Variants in ODF2 observed in about 807,000 individuals in gnomAD.
ODF2 encodes the protein outer dense fiber protein 2.
In ODF2, 47 loss-of-function variants were observed where a neutral mutation model predicts 110.2. The ratio of observed to expected loss-of-function variants is 0.43; its 90% CI spans 0.34 to 0.54. The LOEUF is 0.54. Among genes scored for constraint, ODF2 ranks in the 20% least tolerant of loss-of-function variants. The pLI is 0.03. For missense variants in ODF2, 812 were observed against 1,054.5 expected (o/e 0.77, Z 3.19); for synonymous variants, 352 against 397.7 (o/e 0.89, Z 1.37).
chr9:128,466,383 GT>G (rs924597011), intron 4 of ODF2, among the ~76,000 whole-genome samples: 1 of 151,366 alleles, frequency 6.6e-6, no homozygotes, highest in Non-Finnish European at 1.5e-5. Context: ...GTAAGGATGG[GT>G]TGAGCCTGGG....
upstream of ODF2, chr9:128,455,267 G>A: frequency 1.3e-6 from 2 of 1,530,256 alleles, no homozygotes; most frequent in South Asian, 2.4e-5. Flanking sequence ...CAGGAGGGTA[G>A]TAGACCGGGC....
intron 18 of ODF2, 171 bp from the exon 19 acceptor site, chr9:128,498,242 G>C (rs1464990059): frequency 1.8e-5 from 18 of 1,018,212 alleles, no homozygotes; most frequent in Non-Finnish European, 2.4e-5. Context: ...CAGCTGCACA[G>C]TTCTTTGGTC....
chr9:128,492,887 C>T, intron 16 of ODF2, 82 bp downstream of exon 16: 3 of 1,241,440 alleles, frequency 2.4e-6, no homozygotes, highest in Non-Finnish European at 1.1e-6. Context: ...CCCTTGTTTG[C>T]CTTTGACCCT....
chr9:128,472,369 G>A (rs570078488), intron 6 of ODF2, among the ~76,000 whole-genome samples: 4 of 152,076 alleles, frequency 2.6e-5, no homozygotes, highest in African/African-American at 9.7e-5. Flanking sequence ...TACCATGCCC[G>A]GCTAACTTTT....
rs781422660 is a variant in ODF2, at chr9:128,485,403, C to G, written c.1329C>G (p.Ser443=). The change falls in exon 13 of 21, where the codon TCC becomes TCG. Residue 443 remains serine, a synonymous_variant. Transcript: ENST00000604420. The surrounding 1 kb of genome is among the most constrained non-coding windows in gnomAD (Gnocchi z 5.0). ...CTGAAGCTTTATCCACTCTGGAATCCTGGAGGAGCCGCTACAACCAAGTTG... is the reference window on the plus strand; with the variant it reads ...CTGAAGCTTTATCCACTCTGGAATCGTGGAGGAGCCGCTACAACCAAGTTG... 3.1e-6 allele frequency: 5 copies of G among 1,611,764 alleles called. No homozygotes were observed. The Admixed American group carries it at 8.3e-5, about 27-fold the overall frequency.
rs367617088 is a variant in ODF2 at position 128,457,940 on chromosome 9, TA to T, written c.32+504del. Among the ~76,000 whole-genome samples, 363 of 70,494 alleles carry T rather than the reference TA, an allele frequency of 5.1e-3. 3 individuals are homozygous for T. Among genetic ancestry groups the T allele is most frequent in the African/African-American group, 7.5e-3 (149 of 19,800 alleles). The allele number at this position is 70,494 out of a possible 152,430, so 46.2% of individuals were successfully genotyped here. On this transcript the variant is annotated intron_variant, in intron 2 of 20. Transcript: ENST00000604420. ...ATCAGTAGAGGTCTATATATATATA[TA>T]TATTTTTTTTTTTTCCCCTCTTTTT...
Position 128,465,822 on chromosome 9 carries a change from C to G in ODF2, c.250-3361C>G, listed in dbSNP as rs148104272. On this transcript the variant is annotated intron_variant, in intron 4 of 20. Transcript: ENST00000604420. Reference sequence around the variant, plus strand: ...ATAATCAGCTACTCAATTCTGGCTGCTATTAAGTTTCAAAATTTCTTGTTG... The same window carrying G: ...ATAATCAGCTACTCAATTCTGGCTGGTATTAAGTTTCAAAATTTCTTGTTG... Among the ~76,000 whole-genome samples, 13 of 151,756 alleles carry G rather than the reference C, an allele frequency of 8.6e-5. No homozygotes were observed. The East Asian group carries it at 2.5e-3, about 29-fold the overall frequency.
At chr9:128,488,182 C>T (rs1274350022) in intron 14 of ODF2, among the ~76,000 whole-genome samples, 157 bp downstream of exon 14, 1 of 152,108 alleles carries the variant, frequency 6.6e-6, no homozygotes, top group Non-Finnish European at 1.5e-5. Context: ...AATCCCAACA[C>T]TTTGGGAGGC....
intron 5 of ODF2, 42 bp downstream of exon 5, chr9:128,469,395 T>A: frequency 6.2e-7 from 1 of 1,600,810 alleles, no homozygotes; most frequent in Non-Finnish European, 8.6e-7. Context: ...ACCCTGAGGA[T>A]GTGCAGGAGC....
At chr9:128,488,071 G>A (rs774187248) in intron 14 of ODF2, 46 bp downstream of exon 14, 17 of 1,609,274 alleles carry the variant, frequency 1.1e-5, no homozygotes, top group Middle Eastern at 1.8e-4. Flanking sequence ...GGGGCCCAGC[G>A]AGCTGATGAG....
Position 128,461,045 on chromosome 9 carries a change from G to A in ODF2, c.227G>A (p.Arg76Gln), listed in dbSNP as rs750412175. Residue 76 changes from arginine to glutamine, a missense_variant, in exon 4 of 21, where the codon CGG becomes CAG. Around this residue, in one of 5 missense-constraint regions of ODF2, gnomAD observed 121 missense variants for 123.7 expected, o/e 0.98. Transcript: ENST00000604420. ...ATGCCCCCTGGAAAATCATCTGCCC[G>A]GCCTGTGGGATGCAAGTGGGAGGTA... 3.7e-6 allele frequency: 6 copies of A among 1,614,006 alleles called. No individual in the cohort carries two copies. The African/African-American group carries it at 4.0e-5, about 11-fold the overall frequency.
rs1377902179 is a variant in ODF2 at position 128,497,447 on chromosome 9, ATATATATATATATATATATATAT to A, written c.2013-965_2013-943del. On this transcript the variant is annotated intron_variant, in intron 18 of 20. Coordinates refer to ENST00000604420, the Ensembl canonical transcript of ODF2. ...CTAAAAAAAAAAAAAAAAAAAAAAAATATATATATATATATATATATATATATATATATATATATGTATAAAAT... is the reference window on the plus strand; with the variant it reads ...CTAAAAAAAAAAAAAAAAAAAAAAAAATATATATATATATATGTATAAAAT... 4.8e-4 allele frequency: 18 copies of A among 37,872 alleles called. 1 individual carries two copies. The highest frequency in any genetic ancestry group is 1.1e-3 in the South Asian group (1 of 940). 2.3% of individuals were successfully genotyped at this position (37,872 alleles called of 1,614,324 possible).
chr9:128,495,922 T>G, intron 17 of ODF2, 119 bp from the exon 18 acceptor site: 2 of 1,193,754 alleles, frequency 1.7e-6, no homozygotes, highest in East Asian at 2.4e-5. Flanking sequence ...CGTTGAGACT[T>G]GGACACCTGC....
At chr9:128,457,449 G>GT in intron 2 of ODF2, 1 of 1,607,982 alleles carries the variant, frequency 6.2e-7, no homozygotes, top group African/African-American at 1.3e-5. Flanking sequence ...TATTGCCGAT[G>GT]TGGGAGGCGC....
intron 8 of ODF2, 118 bp from the exon 9 acceptor site, chr9:128,481,462 G>GT: frequency 2.9e-6 from 2 of 701,660 alleles, no homozygotes; most frequent in Non-Finnish European, 4.5e-6. Flanking sequence ...GGGCAACAGA[G>GT]TAAGACTCTA....
intron 4 of ODF2, 161 bp from the exon 5 acceptor site, chr9:128,469,022 G>C: frequency 1.7e-6 from 1 of 604,830 alleles, no homozygotes; most frequent in Non-Finnish European, 2.9e-6. Flanking sequence ...ACATGGATAG[G>C]TAATGTTCCA....
intron 9 of ODF2, among the ~76,000 whole-genome samples, chr9:128,482,155 A>G (rs962984880): frequency 6.6e-6 from 1 of 152,214 alleles, no homozygotes; most frequent in East Asian, 1.9e-4. Flanking sequence ...ATGAAGTTCA[A>G]CAGCTTCTTT....
At chr9:128,456,071 C>T, upstream of ODF2, 1 of 1,518,464 alleles carries the variant, frequency 6.6e-7, no homozygotes, top group South Asian at 1.2e-5. Flanking sequence ...AAGCGGCTCC[C>T]GGGGGGGTTT....
At chr9:128,456,524 C>T in intron 1 of ODF2, 1 of 1,527,016 alleles carries the variant, frequency 6.5e-7, no homozygotes, top group Non-Finnish European at 8.7e-7. Flanking sequence ...CGCCCGCGGG[C>T]AGGGCTTCAC....
Sources: gnomAD v4.1 joint callset for allele counts (sites outside exome capture counted in the v4.1 genomes callset) on GRCh38, gnomAD v4.1.1 for gene constraint, gnomAD v4.1.1 regional missense constraint, Gnocchi (gnomAD v3.1) non-coding constraint, MANE v1.5 for transcripts, NCBI Gene and HGNC (gene_info 2026-07-23, HGNC 2026-07-21) for gene names.